CPNE4: variants seen among roughly 807,000 people sequenced by gnomAD.
CPNE4 encodes the protein copine-4.
A neutral mutation model predicts 67.9 loss-of-function variants in CPNE4; 25 were observed. That is an observed-to-expected ratio of 0.37 (90% CI 0.27 to 0.51). The LOEUF (loss-of-function observed/expected upper bound fraction) is 0.51. Ranked by LOEUF, CPNE4 falls within the 20% of genes least tolerant of loss-of-function variation. CPNE4 has a pLI of 0.93. For missense variants in CPNE4, 464 were observed against 690.8 expected (o/e 0.67, Z 3.68); for synonymous variants, 242 against 244.9 (o/e 0.99, Z 0.11).
intron 1 of CPNE4, among the ~76,000 whole-genome samples, chr3:131,952,664 A>T (rs1350322437): frequency 1.4e-5 from 2 of 147,556 alleles, no homozygotes; most frequent in African/African-American, 5.0e-5. Context: ...CTGGGAGGTG[A>T]GGGGCGCCTC....
chr3:131,929,213 A>G (rs886862547), intron 1 of CPNE4, among the ~76,000 whole-genome samples: 1 of 149,578 alleles, frequency 6.7e-6, no homozygotes, highest in East Asian at 1.9e-4. Flanking sequence ...AAAAAAAAAA[A>G]AAAAAGATTT....
chr3:131,739,264 C>G (rs918541124), intron 2 of CPNE4, among the ~76,000 whole-genome samples: 1 of 152,130 alleles, frequency 6.6e-6, no homozygotes, highest in African/African-American at 2.4e-5. Flanking sequence ...TTCCCCTGCC[C>G]TAATCACCAG....
At chr3:131,635,937 C>G (rs1462583256) in intron 7 of CPNE4, among the ~76,000 whole-genome samples, 1 of 96,142 alleles carries the variant, frequency 1.0e-5, no homozygotes, top group Non-Finnish European at 1.8e-5. Flanking sequence ...AAAAATTAGC[C>G]GGGCGTAGTG....
chr3:131,892,775 A>G (rs1235028401), intron 2 of CPNE4, among the ~76,000 whole-genome samples: 1 of 152,126 alleles, frequency 6.6e-6, no homozygotes, highest in African/African-American at 2.4e-5. Flanking sequence ...TATTTTAACT[A>G]CAAGACTCTT....
intron 2 of CPNE4, among the ~76,000 whole-genome samples, chr3:131,797,005 C>CCAGT (rs2083935803): frequency 6.6e-6 from 1 of 152,202 alleles, no homozygotes; most frequent in South Asian, 2.1e-4. Context: ...CCTGATAGGG[C>CCAGT]CAGTCACCTG....
In CPNE4 at chr3:131,717,528, T is replaced by C. The variant is rs575458560; in HGVS notation, c.360+5918A>G. ...CACCCTCCTCTGAATTCTCCACAGATATCTGCATTTAATAGGCCAGCATCA... is the reference window on the plus strand; with the variant it reads ...CACCCTCCTCTGAATTCTCCACAGACATCTGCATTTAATAGGCCAGCATCA... On this transcript the variant is annotated intron_variant, in intron 3 of 15. Transcript: ENST00000429747. Among the ~76,000 whole-genome samples the C allele has an allele frequency of 4.1e-4, 62 of 152,348 alleles. 1 individual carries two copies. The highest frequency in any genetic ancestry group is 1.4e-3 in the African/African-American group (58 of 41,584).
intron 7 of CPNE4, among the ~76,000 whole-genome samples, chr3:131,623,261 G>C (rs1424409602): frequency 6.6e-6 from 1 of 151,498 alleles, no homozygotes; most frequent in Non-Finnish European, 1.5e-5. Flanking sequence ...TTATTTTTAT[G>C]CAACAAGACA....
intron 11 of CPNE4, 88 bp from the exon 12 acceptor site, chr3:131,555,639 G>A (rs1482530453): frequency 2.6e-6 from 3 of 1,162,846 alleles, no homozygotes; most frequent in Non-Finnish European, 3.8e-6. Context: ...TACATTACTA[G>A]GTTGCTAGGC....
chr3:131,927,616 C>A (rs575876773), intron 1 of CPNE4, among the ~76,000 whole-genome samples: 2 of 152,174 alleles, frequency 1.3e-5, no homozygotes, highest in African/African-American at 4.8e-5. Context: ...AGAAGCCAAT[C>A]AATTTTTGTT....
intron 2 of CPNE4, among the ~76,000 whole-genome samples, chr3:131,756,038 C>T (rs2082743450): frequency 6.6e-6 from 1 of 152,070 alleles, no homozygotes; most frequent in Admixed American, 6.6e-5. Flanking sequence ...AAGGGCAGTG[C>T]ACATCATGCC....
intron 2 of CPNE4, among the ~76,000 whole-genome samples, chr3:131,782,531 C>T (rs1237169006): frequency 3.3e-5 from 5 of 151,916 alleles, no homozygotes; most frequent in Admixed American, 6.6e-5. Flanking sequence ...TACATTGCTC[C>T]TAGTTATCTT....
intron 3 of CPNE4, 75 bp from the exon 4 acceptor site, chr3:131,700,055 T>A: frequency 1.7e-4 from 7 of 42,070 alleles, no homozygotes; most frequent in African/African-American, 2.1e-4. Flanking sequence ...TTTTTAAACC[T>A]TTTTTTTTTT....
chr3:131,924,752 G>T (rs1034076481), intron 1 of CPNE4, among the ~76,000 whole-genome samples: 1 of 152,018 alleles, frequency 6.6e-6, no homozygotes, highest in African/African-American at 2.4e-5. Context: ...ATACTTTTTG[G>T]CTATAAAGGA....
chr3:131,965,185 G>T (rs1225638954), intron 1 of CPNE4, among the ~76,000 whole-genome samples: 3 of 152,162 alleles, frequency 2.0e-5, no homozygotes, highest in African/African-American at 7.2e-5. Context: ...GAAGGATTTT[G>T]TCACCACCAG....
intron 3 of CPNE4, among the ~76,000 whole-genome samples, chr3:131,708,870 GT>G (rs2081481006): frequency 6.7e-6 from 1 of 149,358 alleles, no homozygotes; most frequent in South Asian, 2.1e-4. Context: ...ATATTTGGCA[GT>G]TTATAGCAAG....
intron 2 of CPNE4, among the ~76,000 whole-genome samples, chr3:131,790,011 C>A (rs2083675265): frequency 6.6e-6 from 1 of 152,252 alleles, no homozygotes; most frequent in South Asian, 2.1e-4. Context: ...CTTGTCAGAT[C>A]ATTTAGTGGA....
At chr3:131,875,514 A>C (rs113840960) in intron 2 of CPNE4, among the ~76,000 whole-genome samples, 11,569 of 152,242 alleles carry the variant, frequency 0.076, 585 homozygotes, top group East Asian at 0.17. Context: ...AAAAATGATG[A>C]GTTCATGTCC....
At chr3:131,557,898 C>T (rs2653794) in intron 11 of CPNE4, among the ~76,000 whole-genome samples, 2 of 151,912 alleles carry the variant, frequency 1.3e-5, no homozygotes, top group Admixed American at 6.6e-5. Flanking sequence ...CCTTCACACT[C>T]GAGGATGACC....
intron 2 of CPNE4, among the ~76,000 whole-genome samples, chr3:131,788,747 C>T (rs9819014): frequency 0.2 from 29,653 of 151,874 alleles, 3,545 homozygotes; most frequent in Non-Finnish European, 0.26. Context: ...AAAAATCACA[C>T]AGTTGAAGGA....
Sources: gnomAD v4.1 joint callset for allele counts (sites outside exome capture counted in the v4.1 genomes callset) on GRCh38, gnomAD v4.1.1 for gene constraint, MANE v1.5 for transcripts, NCBI Gene and HGNC (gene_info 2026-07-23, HGNC 2026-07-21) for gene names.